Variants in DLGAP2 observed in about 807,000 individuals in gnomAD.
DLGAP2 encodes disks large-associated protein 2.
Under a neutral mutation model 100.3 loss-of-function variants are expected in DLGAP2, and 26 were observed. The ratio of observed to expected loss-of-function variants is 0.26; its 90% CI spans 0.19 to 0.36. The LOEUF is 0.36. Ranked by LOEUF, DLGAP2 falls within the 10% of genes least tolerant of loss-of-function variation. The probability of loss-of-function intolerance (pLI) is 1.00; values close to 1 mark genes in which losing one functional copy is unlikely to be tolerated. For synonymous variants in DLGAP2, 886 were observed against 630.1 expected (o/e 1.41, Z -6.08); for missense variants, 1,858 against 1,453.2 (o/e 1.28, Z -4.53).
At chr8:1,511,088 T>A (rs1363486161) in intron 4 of DLGAP2, among the ~76,000 whole-genome samples, 1 of 152,238 alleles carries the variant, frequency 6.6e-6, no homozygotes, top group Non-Finnish European at 1.5e-5. Context: ...GCATCGTCAT[T>A]TTCACCACAC....
chr8:1,086,821 AAT>A (rs1312030086), intron 2 of DLGAP2, among the ~76,000 whole-genome samples: 1 of 152,198 alleles, frequency 6.6e-6, no homozygotes, highest in Non-Finnish European at 1.5e-5. Context: ...AGGGCACTTT[AAT>A]ATACCACTTT....
At position 1,213,174 on chromosome 8, in the gene DLGAP2, G is replaced by T. The variant is rs1025574726; in HGVS notation, c.74-45677G>T. On this transcript the variant is annotated intron_variant, in intron 2 of 14. Coordinates refer to ENST00000637795, the MANE Select transcript of DLGAP2 (RefSeq NM_001346810.2). ...GTCATGATTTCCTTGCTGTGTGCGG[G>T]ATGTTATTAGCTGTTTTGCGGGTGT... 2.6e-5 allele frequency among the ~76,000 whole-genome samples: 4 copies of T among 152,246 alleles called. No individual in the cohort carries two copies. The South Asian group carries it at 8.3e-4, about 32-fold the overall frequency.
At chr8:1,079,620 A>G (rs1448595712) in intron 2 of DLGAP2, among the ~76,000 whole-genome samples, 4 of 152,206 alleles carry the variant, frequency 2.6e-5, no homozygotes, top group East Asian at 1.9e-4. Flanking sequence ...AGGAACATTT[A>G]TGGACTGTGA....
Position 1,451,986 on chromosome 8 carries a change from C to T in DLGAP2, c.107-49380C>T, listed in dbSNP as rs1798173105. Among the ~76,000 whole-genome samples, 8 of 152,252 alleles carry T rather than the reference C, an allele frequency of 5.3e-5. 1 individual carries two copies. The South Asian group carries it at 1.4e-3, about 28-fold the overall frequency. The stretch of plus-strand genomic sequence containing the variant: ...CTGACTCTTAAAACGACAACAAAAT[C>T]TAGTTAAGAGAACCGGAACTGCGGT... On this transcript the variant is annotated intron_variant, in intron 3 of 14. Coordinates refer to ENST00000637795, the MANE Select transcript of DLGAP2 (RefSeq NM_001346810.2).
chr8:1,347,736 G>C (rs1221397494), intron 3 of DLGAP2, among the ~76,000 whole-genome samples: 1 of 151,696 alleles, frequency 6.6e-6, no homozygotes, highest in Non-Finnish European at 1.5e-5. Context: ...TGGTAGCTGT[G>C]TGAAGGTTGA....
At chr8:935,321 G>T (rs1424300509) in intron 2 of DLGAP2, among the ~76,000 whole-genome samples, 1 of 152,228 alleles carries the variant, frequency 6.6e-6, no homozygotes, top group Admixed American at 6.5e-5. Flanking sequence ...ACCACATGCG[G>T]TCGTGAGCCC....
chr8:847,556 G>GA lies in DLGAP2; in HGVS notation c.19-60355dup, dbSNP rs138165478. On this transcript the variant is annotated intron_variant, in intron 1 of 14. Coordinates refer to ENST00000637795, the MANE Select transcript of DLGAP2 (RefSeq NM_001346810.2). ...AGGTCTCGCTCTGTCACCCAGGCTG[G>GA]AGTGCAAGTGGAATGATCTCAGCTC... 1.8e-3 allele frequency among the ~76,000 whole-genome samples: 281 copies of GA among 151,970 alleles called. 8 individuals are homozygous for GA. The East Asian group carries it at 0.049, about 27-fold the overall frequency.
At chr8:1,170,405 G>A (rs1246103146) in intron 2 of DLGAP2, among the ~76,000 whole-genome samples, 1 of 152,298 alleles carries the variant, frequency 6.6e-6, no homozygotes, top group African/African-American at 2.4e-5. Context: ...CATAAAATGA[G>A]TTAGGGAGGA....
chr8:1,299,470 GA>G lies in DLGAP2; in HGVS notation c.106+40589del, dbSNP rs1270347835. Among the ~76,000 whole-genome samples, 7 of 152,178 alleles carry G rather than the reference GA, an allele frequency of 4.6e-5. No homozygotes were observed. In the South Asian group the frequency reaches 6.2e-4, roughly 14 times the overall value. On this transcript the variant is annotated intron_variant, in intron 3 of 14. Transcript: ENST00000637795. ...ATAATACTCTTTGTGATAATCTTAG[GA>G]ATCTTAGGAATGCCAGGTTGCATGA...
chr8:1,591,461 T>A (rs985190134), intron 6 of DLGAP2, among the ~76,000 whole-genome samples: 2 of 152,144 alleles, frequency 1.3e-5, no homozygotes, highest in Non-Finnish European at 2.9e-5. Context: ...TTGAGTTTCC[T>A]GATGGGGTCT....
At chr8:1,071,587 T>C (rs1222527920) in intron 2 of DLGAP2, among the ~76,000 whole-genome samples, 1 of 152,226 alleles carries the variant, frequency 6.6e-6, no homozygotes, top group African/African-American at 2.4e-5. Context: ...TTCTATTTTC[T>C]GTGTCTAATT....
intron 1 of DLGAP2, among the ~76,000 whole-genome samples, chr8:896,669 G>C (rs891520402): frequency 1.3e-5 from 2 of 152,100 alleles, no homozygotes; most frequent in African/African-American, 4.8e-5. Flanking sequence ...ACCAAGTACT[G>C]TCTTCTATGG....
At chr8:1,192,167 T>G (rs1026306852) in intron 2 of DLGAP2, among the ~76,000 whole-genome samples, 2 of 152,130 alleles carry the variant, frequency 1.3e-5, no homozygotes, top group African/African-American at 4.8e-5. Flanking sequence ...GGCTTGGAGC[T>G]GTGGGTGGGG....
In DLGAP2 at chr8:1,644,076, G is replaced by C. The variant is rs35945455; in HGVS notation, c.1810+11030G>C. Reference sequence around the variant, plus strand: ...GCCGGTCCTCACCTGTGTCACCCTCGACCCCGCCGGTCCTCACCTGTGTCA... The same window carrying C: ...GCCGGTCCTCACCTGTGTCACCCTCCACCCCGCCGGTCCTCACCTGTGTCA... On this transcript the variant is annotated intron_variant, in intron 8 of 14. Transcript: ENST00000637795. Among the ~76,000 whole-genome samples, 15 of 53,456 alleles carry C rather than the reference G, an allele frequency of 2.8e-4. 3 individuals are homozygous for C. The highest frequency in any genetic ancestry group is 0.013 in the Middle Eastern group (1 of 76). 35.1% of individuals were successfully genotyped at this position (53,456 alleles called of 152,430 possible).
At chr8:1,407,502 C>T (rs1376415939) in intron 3 of DLGAP2, among the ~76,000 whole-genome samples, 9 of 145,570 alleles carry the variant, frequency 6.2e-5, no homozygotes, top group Non-Finnish European at 1.2e-4. Context: ...GCTTACTGAG[C>T]GCCACCTCCT....
intron 2 of DLGAP2, among the ~76,000 whole-genome samples, chr8:1,141,138 G>A (rs1319385352): frequency 6.6e-6 from 1 of 152,208 alleles, no homozygotes; most frequent in Admixed American, 6.5e-5. Context: ...GGAAAAGGCA[G>A]CTTTCTCCTG....
chr8:1,107,562 G>A lies in DLGAP2; in HGVS notation c.74-151289G>A, dbSNP rs931088196. On this transcript the variant is annotated intron_variant, in intron 2 of 14. Coordinates refer to ENST00000637795, the MANE Select transcript of DLGAP2 (RefSeq NM_001346810.2). The stretch of plus-strand genomic sequence containing the variant: ...AGCTCGTGTGCTGTTATTTTCCAGC[G>A]GAATTCCAGGGTGGAAACACGGAGG... Among the ~76,000 whole-genome samples, 5 of 152,176 alleles carry A rather than the reference G, an allele frequency of 3.3e-5. No individual in the cohort carries two copies. The South Asian group carries it at 6.2e-4, about 19-fold the overall frequency.
At chr8:1,363,219 A>C (rs1268805658) in intron 3 of DLGAP2, among the ~76,000 whole-genome samples, 2 of 152,222 alleles carry the variant, frequency 1.3e-5, no homozygotes, top group Non-Finnish European at 2.9e-5. Flanking sequence ...ATGGAGATTC[A>C]CACGAAGGTA....
intron 3 of DLGAP2, chr8:1,300,051 A>C (rs1800294469): frequency 6.6e-6 from 1 of 152,172 alleles, no homozygotes; most frequent in Non-Finnish European, 1.5e-5. Flanking sequence ...TGATCCATTC[A>C]GATCAGTGTC....
Sources: allele counts gnomAD v4.1 joint callset (sites outside exome capture counted in the v4.1 genomes callset), GRCh38; gene constraint gnomAD v4.1.1; transcripts MANE v1.5; gene names NCBI Gene and HGNC (gene_info 2026-07-23, HGNC 2026-07-21).